The following SDC2 variants were observed in gnomAD, a reference collection of about 807,000 sequenced individuals.
SDC2 encodes the protein syndecan 2.
A neutral mutation model predicts 22.2 loss-of-function variants in SDC2; 13 were observed. The ratio of observed to expected loss-of-function variants is 0.59; its 90% CI spans 0.38 to 0.93. The LOEUF is 0.93. SDC2 is among the 40% of genes least tolerant of loss of function. The probability of loss-of-function intolerance (pLI) is 0.00; values close to 1 mark genes in which losing one functional copy is unlikely to be tolerated. For synonymous variants in SDC2, 94 were observed against 92.8 expected (o/e 1.01, Z -0.07); for missense variants, 235 against 246.8 (o/e 0.95, Z 0.32).
At chr8:96,526,600 G>A (rs1244745074) in intron 1 of SDC2, among the ~76,000 whole-genome samples, 1 of 152,120 alleles carries the variant, frequency 6.6e-6, no homozygotes, top group Admixed American at 6.5e-5. Flanking sequence ...CCACTGTTGA[G>A]GAGGAAGGAA....
chr8:96,525,729 C>G (rs183761492), intron 1 of SDC2, among the ~76,000 whole-genome samples: 60 of 152,218 alleles, frequency 3.9e-4, no homozygotes, highest in Middle Eastern at 3.4e-3. Context: ...GAGGGCATCT[C>G]TTAATTTGTT....
intron 1 of SDC2, among the ~76,000 whole-genome samples, chr8:96,583,971 C>T (rs1046636513): frequency 1.3e-5 from 2 of 152,072 alleles, no homozygotes; most frequent in Non-Finnish European, 2.9e-5. Context: ...ACTTTTATTT[C>T]ATTAGGATAA....
At chr8:96,586,156 A>T (rs1440966744) in intron 1 of SDC2, among the ~76,000 whole-genome samples, 1 of 152,148 alleles carries the variant, frequency 6.6e-6, no homozygotes, top group Non-Finnish European at 1.5e-5. Flanking sequence ...CCAAGGTCAC[A>T]TTTACCTTTT....
At chr8:96,592,932 G>A (rs1334048708) in intron 1 of SDC2, among the ~76,000 whole-genome samples, 4 of 152,230 alleles carry the variant, frequency 2.6e-5, no homozygotes, top group Non-Finnish European at 5.9e-5. Context: ...AGAAAGGCCT[G>A]CATGGCCTGA....
intron 1 of SDC2, among the ~76,000 whole-genome samples, chr8:96,558,225 G>T (rs541310965): frequency 1.3e-5 from 2 of 152,236 alleles, no homozygotes; most frequent in East Asian, 3.9e-4. Flanking sequence ...AGCTGGATTT[G>T]CCCTGATTCT....
intron 1 of SDC2, among the ~76,000 whole-genome samples, chr8:96,582,619 T>C (rs1277315168): frequency 6.6e-6 from 1 of 152,234 alleles, no homozygotes; most frequent in East Asian, 1.9e-4. Context: ...TGTCCACTTA[T>C]AGGCTTTCCT....
At chr8:96,552,949 T>TTG (rs1233920519) in intron 1 of SDC2, among the ~76,000 whole-genome samples, 1 of 152,286 alleles carries the variant, frequency 6.6e-6, no homozygotes, top group East Asian at 1.9e-4. Context: ...TGAAAAAGAA[T>TTG]TGTAGGTATT....
chr8:96,544,476 T>C (rs1204299981), intron 1 of SDC2, among the ~76,000 whole-genome samples: 1 of 152,220 alleles, frequency 6.6e-6, no homozygotes, highest in Non-Finnish European at 1.5e-5. Flanking sequence ...CCTGAAATGC[T>C]GCCGCCTCAA....
intron 1 of SDC2, among the ~76,000 whole-genome samples, chr8:96,535,473 A>G (rs1416591561): frequency 6.6e-6 from 1 of 152,176 alleles, no homozygotes; most frequent in Non-Finnish European, 1.5e-5. Flanking sequence ...CTTTTTACCC[A>G]CACGGCAGCA....
chr8:96,601,572 C>T (rs1814985939), intron 2 of SDC2, among the ~76,000 whole-genome samples: 1 of 141,450 alleles, frequency 7.1e-6, no homozygotes, highest in Admixed American at 7.5e-5. Context: ...ACCTGGAAGG[C>T]AGAGGTTGCA....
intron 1 of SDC2, among the ~76,000 whole-genome samples, chr8:96,588,648 G>T (rs940347022): frequency 9.9e-5 from 15 of 152,202 alleles, no homozygotes; most frequent in African/African-American, 3.4e-4. Context: ...TATGTTCAAA[G>T]GCTAATTTTC....
In SDC2 at chr8:96,555,893, T is replaced by C. The variant is rs1375678563; in HGVS notation, c.61-37587T>C. 3.3e-5 allele frequency among the ~76,000 whole-genome samples: 5 copies of C among 152,288 alleles called. No individual in the cohort carries two copies. In the East Asian group the frequency reaches 5.8e-4, roughly 18 times the overall value. On this transcript the variant is annotated intron_variant, in intron 1 of 4. Transcript: ENST00000302190. ...TTGTTTCAGGGAAGGTTTGAAATAG[T>C]GTAAATTTTCTCTTAGTCCAAGAAT...
chr8:96,494,490 C>T (rs1202295017), intron 1 of SDC2, among the ~76,000 whole-genome samples, 159 bp downstream of exon 1: 1 of 152,216 alleles, frequency 6.6e-6, no homozygotes, highest in Non-Finnish European at 1.5e-5. Context: ...TCACCCTTTC[C>T]CCCTCTTCCC....
chr8:96,601,884 G>A (rs1055468835), intron 2 of SDC2, among the ~76,000 whole-genome samples: 5 of 151,736 alleles, frequency 3.3e-5, no homozygotes, highest in East Asian at 4.0e-4. Flanking sequence ...TCAGCCTCCC[G>A]AGTAGCTGGG....
chr8:96,606,454 G>A (rs1815081142), intron 3 of SDC2, among the ~76,000 whole-genome samples: 2 of 152,120 alleles, frequency 1.3e-5, no homozygotes, highest in Non-Finnish European at 2.9e-5. Context: ...TCCTTTGAAT[G>A]GGACTTCTCT....
In SDC2 at chr8:96,565,084, A is replaced by ATT. The variant is rs11304418; in HGVS notation, c.61-28382_61-28381dup. 6.5e-3 allele frequency among the ~76,000 whole-genome samples: 438 copies of ATT among 67,840 alleles called. 49 individuals are homozygous for ATT. The East Asian group carries it at 0.088, about 14-fold the overall frequency. The allele number at this position is 67,840 out of a possible 152,430, so 44.5% of individuals were successfully genotyped here. A position where few individuals can be genotyped will look rare whatever the true frequency, so the allele number is the denominator to read the frequency against. On this transcript the variant is annotated intron_variant, in intron 1 of 4. Coordinates refer to ENST00000302190, the MANE Select transcript of SDC2 (RefSeq NM_002998.4). Reference sequence around the variant, plus strand: ...GATCACTGAGACCATCCTAAATTTGATTTTTTTTTTTTTTTGTTGAGATGG... The same window carrying ATT: ...GATCACTGAGACCATCCTAAATTTGATTTTTTTTTTTTTTTTTGTTGAGATGG...
chr8:96,584,793 A>C (rs1814653524), intron 1 of SDC2, among the ~76,000 whole-genome samples: 2 of 152,226 alleles, frequency 1.3e-5, no homozygotes, highest in South Asian at 4.1e-4. Context: ...TATTCCAAAA[A>C]AGGAAGAAAG....
At chr8:96,556,034 T>TCACA (rs35496391) in intron 1 of SDC2, among the ~76,000 whole-genome samples, 76 of 143,682 alleles carry the variant, frequency 5.3e-4, no homozygotes, top group Middle Eastern at 6.9e-3. Flanking sequence ...TATTAGAATA[T>TCACA]CACACACACA....
chr8:96,525,679 C>T (rs955383118), intron 1 of SDC2, among the ~76,000 whole-genome samples: 1 of 152,104 alleles, frequency 6.6e-6, no homozygotes, highest in Admixed American at 6.5e-5. Context: ...AAGATGTTAC[C>T]TTACTGGCAA....
Sources: allele counts gnomAD v4.1 joint callset (sites outside exome capture counted in the v4.1 genomes callset), GRCh38; gene constraint gnomAD v4.1.1; transcripts MANE v1.5; gene names NCBI Gene and HGNC (gene_info 2026-07-23, HGNC 2026-07-21).